TMEM132D: variants seen among roughly 807,000 people sequenced by gnomAD.
The protein encoded by TMEM132D is transmembrane protein 132D.
A neutral mutation model predicts 62.3 loss-of-function variants in TMEM132D; 21 were observed. The observed-to-expected ratio is 0.34, with a 90% CI of 0.24 to 0.49. The LOEUF (loss-of-function observed/expected upper bound fraction) is 0.49. TMEM132D is among the 20% of genes least tolerant of loss of function. The probability of loss-of-function intolerance (pLI) is 0.99; values close to 1 mark genes in which losing one functional copy is unlikely to be tolerated. For synonymous variants in TMEM132D, 621 were observed against 575.6 expected, an observed-to-expected ratio of 1.08 and a Z score of -1.13; for missense variants, 1,346 against 1,402.8, an observed-to-expected ratio of 0.96 and a Z score of 0.65.
intron 1 of TMEM132D, among the ~76,000 whole-genome samples, chr12:129,900,513 T>A (rs1207586944): frequency 6.6e-6 from 1 of 152,216 alleles, no homozygotes; most frequent in East Asian, 1.9e-4. Context: ...TCTCTCAGCG[T>A]CTGCTTCTTT....
intron 2 of TMEM132D, among the ~76,000 whole-genome samples, chr12:129,694,760 G>A (rs1881155672): frequency 6.6e-6 from 1 of 152,178 alleles, no homozygotes; most frequent in African/African-American, 2.4e-5. Flanking sequence ...TGTAATCCCA[G>A]CACTTTGGGA....
chr12:129,278,588 G>C (rs1202034629), intron 4 of TMEM132D, among the ~76,000 whole-genome samples: 2 of 152,138 alleles, frequency 1.3e-5, no homozygotes, highest in Non-Finnish European at 2.9e-5. Flanking sequence ...GACTGTGTTT[G>C]AATTCCTCTT....
chr12:129,240,904 A>G (rs1021172230), intron 4 of TMEM132D, among the ~76,000 whole-genome samples: 1 of 152,116 alleles, frequency 6.6e-6, no homozygotes, highest in Non-Finnish European at 1.5e-5. Context: ...CTCCCTGTCC[A>G]TCCATCACCA....
intron 3 of TMEM132D, among the ~76,000 whole-genome samples, chr12:129,504,002 T>C (rs1391967274): frequency 2.0e-5 from 3 of 151,144 alleles, no homozygotes; most frequent in African/African-American, 7.3e-5. Context: ...ATTATTGTCA[T>C]CATTACTGTC....
At chr12:129,428,906 A>C (rs1872571187) in intron 3 of TMEM132D, among the ~76,000 whole-genome samples, 1 of 152,232 alleles carries the variant, frequency 6.6e-6, no homozygotes, top group Non-Finnish European at 1.5e-5. Flanking sequence ...TTGGAAACAG[A>C]AGACTCCGTG....
intron 5 of TMEM132D, among the ~76,000 whole-genome samples, chr12:129,176,301 C>T (rs1023879780): frequency 6.6e-6 from 1 of 152,216 alleles, no homozygotes. Context: ...TCCCACCCCC[C>T]AAGCTTATGT....
intron 3 of TMEM132D, among the ~76,000 whole-genome samples, chr12:129,412,577 C>T (rs1306253542): frequency 6.6e-6 from 1 of 152,118 alleles, no homozygotes; most frequent in East Asian, 1.9e-4. Context: ...CCATGAGGGG[C>T]CGGGTGCGGT....
intron 2 of TMEM132D, among the ~76,000 whole-genome samples, chr12:129,616,650 C>T (rs556948333): frequency 2.0e-5 from 3 of 152,208 alleles, no homozygotes; most frequent in East Asian, 3.9e-4. Context: ...CTCTTTTGTT[C>T]GGCACTTCTC....
intron 2 of TMEM132D, among the ~76,000 whole-genome samples, chr12:129,623,682 TATAC>T (rs1318574975): frequency 2.2e-5 from 3 of 138,940 alleles, no homozygotes; most frequent in Non-Finnish European, 3.1e-5. Context: ...TACACATATA[TATAC>T]ATATATACAT....
At chr12:129,272,292 G>A (rs77002133) in intron 4 of TMEM132D, among the ~76,000 whole-genome samples, 1 of 151,812 alleles carries the variant, frequency 6.6e-6, no homozygotes, top group Non-Finnish European at 1.5e-5. Context: ...AGATCAGTAA[G>A]TTGTGTGTGC....
intron 2 of TMEM132D, among the ~76,000 whole-genome samples, chr12:129,586,509 AG>A (rs1878034664): frequency 6.6e-6 from 1 of 152,204 alleles, no homozygotes. Context: ...GTCTGAGATC[AG>A]GGTGCCAGCG....
chr12:129,893,232 T>C (rs1479117218), intron 1 of TMEM132D, among the ~76,000 whole-genome samples: 2 of 152,142 alleles, frequency 1.3e-5, no homozygotes, highest in African/African-American at 4.8e-5. Flanking sequence ...ACCTCAATTT[T>C]TGCCTCTGTA....
chr12:129,261,736 G>C (rs1272490030), intron 4 of TMEM132D, among the ~76,000 whole-genome samples: 1 of 152,118 alleles, frequency 6.6e-6, no homozygotes, highest in Non-Finnish European at 1.5e-5. Flanking sequence ...CCTTCTCTCT[G>C]TGTGTGTCTG....
At chr12:129,834,349 G>A (rs1872935961) in intron 1 of TMEM132D, among the ~76,000 whole-genome samples, 2 of 151,874 alleles carry the variant, frequency 1.3e-5, no homozygotes, top group South Asian at 4.2e-4. Context: ...ACCACCATCG[G>A]GCCAGCATCA....
chr12:129,164,249 C>G (rs1186480558), intron 5 of TMEM132D, among the ~76,000 whole-genome samples: 1 of 152,236 alleles, frequency 6.6e-6, no homozygotes, highest in Non-Finnish European at 1.5e-5. Context: ...TGGAACGTGA[C>G]AGCCTTTCCT....
intron 4 of TMEM132D, among the ~76,000 whole-genome samples, chr12:129,245,369 T>C (rs1880068405): frequency 6.6e-6 from 1 of 152,186 alleles, no homozygotes; most frequent in African/African-American, 2.4e-5. Context: ...GTGTCTTCCA[T>C]GTATTTTTAT....
Position 129,148,816 on chromosome 12 carries a change from C to T in TMEM132D, c.1443+60704G>A, listed in dbSNP as rs374391536. Among the ~76,000 whole-genome samples the T allele has an allele frequency of 2.1e-4, 32 of 152,120 alleles. No individual in the cohort carries two copies. In the South Asian group the frequency reaches 6.7e-3, roughly 32 times the overall value. On this transcript the variant is annotated intron_variant, in intron 5 of 8. Transcript: ENST00000422113. ...GGCTTCCTGGCAGGCCAGGGGACAC[C>T]CCTCACCCCGCCCCCACCCTCCCCA...
intron 3 of TMEM132D, among the ~76,000 whole-genome samples, chr12:129,516,138 G>A (rs1875667490): frequency 6.6e-6 from 1 of 152,132 alleles, no homozygotes; most frequent in Non-Finnish European, 1.5e-5. Flanking sequence ...ACACATCCTA[G>A]ACAATTGCAC....
At chr12:129,767,342 C>G (rs577899489) in intron 1 of TMEM132D, among the ~76,000 whole-genome samples, 1 of 151,988 alleles carries the variant, frequency 6.6e-6, no homozygotes, top group East Asian at 1.9e-4. Context: ...CTAGACCCAG[C>G]TGAAGATCCC....
Sources: allele counts gnomAD v4.1 joint callset (sites outside exome capture counted in the v4.1 genomes callset), GRCh38; gene constraint gnomAD v4.1.1; transcripts MANE v1.5; gene names NCBI Gene and HGNC (gene_info 2026-07-23, HGNC 2026-07-21).